The following WLS variants were observed in gnomAD, a reference collection of about 807,000 sequenced individuals.
WLS encodes protein wntless homolog.
In WLS, 23 loss-of-function variants were observed where a neutral mutation model predicts 62.8. The observed-to-expected ratio is 0.37, with a 90% CI of 0.26 to 0.52. The LOEUF (loss-of-function observed/expected upper bound fraction) is 0.52. Ranked by LOEUF, WLS falls within the 20% of genes least tolerant of loss-of-function variation. The pLI is 0.92. For synonymous variants in WLS, 246 were observed against 244.1 expected, an observed-to-expected ratio of 1.01 and a Z score of -0.07; for missense variants, 615 against 697.3, an observed-to-expected ratio of 0.88 and a Z score of 1.33.
At chr1:68,221,814 G>A (rs918255940) in intron 1 of WLS, among the ~76,000 whole-genome samples, 4 of 152,144 alleles carry the variant, frequency 2.6e-5, no homozygotes, top group African/African-American at 9.7e-5. Context: ...AAAATGAAAA[G>A]ACAGAGGAGG....
intron 11 of WLS, among the ~76,000 whole-genome samples, chr1:68,134,400 G>T (rs918538160): frequency 6.6e-6 from 1 of 152,134 alleles, no homozygotes; most frequent in African/African-American, 2.4e-5. Context: ...GGTTCCCGGG[G>T]GTGCTGGGAA....
chr1:68,210,543 G>T (rs1313738978), intron 1 of WLS, among the ~76,000 whole-genome samples: 2 of 152,200 alleles, frequency 1.3e-5, no homozygotes, highest in Admixed American at 6.5e-5. Context: ...TGTCTAGAGA[G>T]CAATAGGTCG....
chr1:68,212,722 A>G (rs983189205), intron 1 of WLS, among the ~76,000 whole-genome samples: 1 of 152,208 alleles, frequency 6.6e-6, no homozygotes, highest in African/African-American at 2.4e-5. Flanking sequence ...TGTTTTTGGT[A>G]TAATCCAAAA....
rs972749557 is a variant in WLS, at chr1:68,101,155, G to T, written c.1511-2402C>A. 2.0e-5 allele frequency among the ~76,000 whole-genome samples: 3 copies of T among 152,230 alleles called. No individual in the cohort carries two copies. The South Asian group carries it at 6.2e-4, about 32-fold the overall frequency. The stretch of plus-strand genomic sequence containing the variant: ...TTAGAAGTAAAGCTCTCCTCTCCAA[G>T]TTTCTGAACCTTGTGATTCTTCAGT... On this transcript the variant is annotated intron_variant, in intron 11 of 11. Coordinates refer to the WLS transcript ENST00000354777.
At chr1:68,145,147 C>T (rs892969096) in intron 9 of WLS, among the ~76,000 whole-genome samples, 1 of 152,178 alleles carries the variant, frequency 6.6e-6, no homozygotes, top group Non-Finnish European at 1.5e-5. Flanking sequence ...TTAAGAGAAC[C>T]TGTGTTTCAG....
chr1:68,136,564 C>T (rs1646613226), intron 11 of WLS, among the ~76,000 whole-genome samples: 1 of 152,188 alleles, frequency 6.6e-6, no homozygotes, highest in South Asian at 2.1e-4. Flanking sequence ...GTACTAAAGG[C>T]ATTAACATGT....
At chr1:68,154,781 G>A (rs1646874107) in intron 4 of WLS, among the ~76,000 whole-genome samples, 1 of 152,134 alleles carries the variant, frequency 6.6e-6, no homozygotes, top group Non-Finnish European at 1.5e-5. Context: ...GTGCTTGCAA[G>A]GTGAAACACA....
chr1:68,225,869 C>A (rs1453027313), intron 1 of WLS, among the ~76,000 whole-genome samples: 1 of 152,114 alleles, frequency 6.6e-6, no homozygotes, highest in Non-Finnish European at 1.5e-5. Context: ...TTAAAATCAC[C>A]AACTAGAGAA....
chr1:68,106,003 C>A (rs1329390894), intron 11 of WLS, among the ~76,000 whole-genome samples: 10 of 151,720 alleles, frequency 6.6e-5, no homozygotes, highest in Admixed American at 5.9e-4. Flanking sequence ...GAATGATGAC[C>A]TAAAACTAAA....
intron 2 of WLS, among the ~76,000 whole-genome samples, chr1:68,165,781 T>C (rs1046709074): frequency 1.7e-4 from 26 of 152,228 alleles, no homozygotes; most frequent in African/African-American, 5.8e-4. Flanking sequence ...CTGGCCATCC[T>C]GTTCATTATG....
At chr1:68,174,262 G>A (rs1647197402) in intron 2 of WLS, among the ~76,000 whole-genome samples, 1 of 152,156 alleles carries the variant, frequency 6.6e-6, no homozygotes, top group Non-Finnish European at 1.5e-5. Context: ...TGGTGACTAA[G>A]CTGTTTCAAC....
chr1:68,224,252 G>A (rs959618255), intron 1 of WLS, among the ~76,000 whole-genome samples: 5 of 152,188 alleles, frequency 3.3e-5, no homozygotes, highest in Non-Finnish European at 5.9e-5. Flanking sequence ...ATTTAAATAG[G>A]CATAGCAGAT....
chr1:68,169,643 T>G (rs1391490415), intron 2 of WLS, among the ~76,000 whole-genome samples: 1 of 152,222 alleles, frequency 6.6e-6, no homozygotes, highest in Non-Finnish European at 1.5e-5. Flanking sequence ...CCTCCTCTCC[T>G]CACTGATATG....
rs1650325953 is a variant in WLS, at chr1:68,229,724, ATT to A, written c.106+2468_106+2469del. On this transcript the variant is annotated intron_variant, in intron 1 of 11. Coordinates refer to ENST00000262348, the MANE Select transcript of WLS (RefSeq NM_024911.7). ...ATTTTAGATTTAAGAGCAAAAAAAAATTACTGTTTAAGTGAAAGAGGAAAGGC... is the reference window on the plus strand; with the variant it reads ...ATTTTAGATTTAAGAGCAAAAAAAAAACTGTTTAAGTGAAAGAGGAAAGGC... Among the ~76,000 whole-genome samples the A allele has an allele frequency of 3.9e-5, 6 of 152,064 alleles. No individual in the cohort carries two copies. In the East Asian group the frequency reaches 1.2e-3, roughly 29 times the overall value.
intron 1 of WLS, among the ~76,000 whole-genome samples, chr1:68,209,031 T>C (rs1322542747): frequency 6.6e-6 from 1 of 152,168 alleles, no homozygotes; most frequent in Non-Finnish European, 1.5e-5. Flanking sequence ...GCATTTTGGG[T>C]TGAATAACTG....
chr1:68,104,117 C>T (rs533857135), intron 11 of WLS, among the ~76,000 whole-genome samples: 2 of 152,150 alleles, frequency 1.3e-5, no homozygotes, highest in African/African-American at 4.8e-5. Context: ...GAAAACTAAA[C>T]ATTCCTTGAT....
chr1:68,110,007 T>TAAA (rs11290966), intron 11 of WLS, among the ~76,000 whole-genome samples: 625 of 28,088 alleles, frequency 0.022, 34 homozygotes, highest in Non-Finnish European at 0.03. Flanking sequence ...ACACAAAAAG[T>TAAA]AAAAAAAAAA....
intron 5 of WLS, among the ~76,000 whole-genome samples, chr1:68,152,795 G>T (rs1264602675): frequency 3.3e-5 from 5 of 152,158 alleles, no homozygotes; most frequent in Non-Finnish European, 7.3e-5. Flanking sequence ...GGCAGGACAT[G>T]TTTGTATATT....
At chr1:68,159,278 T>C in intron 2 of WLS, 31 bp from the exon 3 acceptor site, 16 of 1,602,456 alleles carry the variant, frequency 1.0e-5, no homozygotes, top group Non-Finnish European at 1.4e-5. Context: ...GTTTCAGAAA[T>C]GACTTTTGGA....
Sources: gnomAD v4.1 joint callset for allele counts (sites outside exome capture counted in the v4.1 genomes callset) on GRCh38, gnomAD v4.1.1 for gene constraint, MANE v1.5 for transcripts, NCBI Gene and HGNC (gene_info 2026-07-23, HGNC 2026-07-21) for gene names.